Variants in ADAMTS16 observed in about 807,000 individuals in gnomAD.
ADAMTS16 encodes the protein A disintegrin and metalloproteinase with thrombospondin motifs 16.
In ADAMTS16, 94 loss-of-function variants were observed where a neutral mutation model predicts 145.8. That is an observed-to-expected ratio of 0.64 (90% confidence interval 0.55 to 0.77). ADAMTS16 has a LOEUF of 0.77. Among genes scored for constraint, ADAMTS16 ranks in the 30% least tolerant of loss-of-function variants. The pLI, the probability that ADAMTS16 is intolerant of heterozygous loss-of-function variation, is 0.00. For synonymous variants in ADAMTS16, 659 were observed against 604.3 expected, an observed-to-expected ratio of 1.09 and a Z score of -1.33; for missense variants, 1,585 against 1,591.5, an observed-to-expected ratio of 1.00 and a Z score of 0.07.
chr5:5,140,582 G>T, intron 1 of ADAMTS16, 43 bp downstream of exon 1: 1 of 1,509,332 alleles, frequency 6.6e-7, no homozygotes, highest in Non-Finnish European at 8.8e-7. Flanking sequence ...CCGCGGGTCC[G>T]GACAGCTGGA....
intron 2 of ADAMTS16, 72 bp from the exon 3 acceptor site, chr5:5,146,058 A>G (rs1734283107): frequency 1.5e-6 from 2 of 1,324,226 alleles, no homozygotes; most frequent in African/African-American, 1.5e-5. Context: ...AAATAATATT[A>G]TATCTTAAGA....
intron 4 of ADAMTS16, among the ~76,000 whole-genome samples, chr5:5,184,752 G>A (rs1455500386): frequency 6.6e-6 from 1 of 151,978 alleles, no homozygotes; most frequent in Non-Finnish European, 1.5e-5. Context: ...GCAGTCATTT[G>A]CTGAGGGGTT....
chr5:5,272,824 T>G (rs116045281), intron 18 of ADAMTS16, among the ~76,000 whole-genome samples: 2,774 of 152,314 alleles, frequency 0.018, 88 homozygotes, highest in African/African-American at 0.064. Context: ...AAATCTACTA[T>G]GCATTCATTA....
intron 21 of ADAMTS16, among the ~76,000 whole-genome samples, chr5:5,309,867 G>A (rs1225158719): frequency 6.7e-6 from 1 of 148,334 alleles, no homozygotes; most frequent in Non-Finnish European, 1.5e-5. Flanking sequence ...CATGTGATCA[G>A]AAGAGGGAGA....
chr5:5,243,530 G>A (rs951746366), intron 17 of ADAMTS16, among the ~76,000 whole-genome samples: 2 of 152,122 alleles, frequency 1.3e-5, no homozygotes, highest in Admixed American at 1.3e-4. Flanking sequence ...CCATAACCAT[G>A]TTTTTATGGA....
At chr5:5,146,071 T>C (rs893779024) in intron 2 of ADAMTS16, 59 bp from the exon 3 acceptor site, 2 of 1,446,704 alleles carry the variant, frequency 1.4e-6, no homozygotes, top group Admixed American at 3.6e-5. Context: ...TCTTAAGACT[T>C]CCTGATTCTT....
chr5:5,292,695 G>A (rs1739381747), intron 18 of ADAMTS16, among the ~76,000 whole-genome samples: 1 of 151,848 alleles, frequency 6.6e-6, no homozygotes, highest in Admixed American at 6.6e-5. Flanking sequence ...GTGTCTTCAC[G>A]GGCCCTGTCC....
chr5:5,296,643 G>T (rs752950854), intron 18 of ADAMTS16, among the ~76,000 whole-genome samples: 2 of 152,130 alleles, frequency 1.3e-5, no homozygotes, highest in African/African-American at 4.8e-5. Context: ...CCCCTAGAGA[G>T]CCAAGGCCGT....
At position 5,186,143 on chromosome 5, in the gene ADAMTS16, T is replaced by C. The variant is rs1735490275; in HGVS notation, c.855T>C (p.His285=). Reference sequence around the variant, plus strand: ...ATAAGCGCTCTCTTCTGAGGTCCCATAGAAATGAAGAACTGAACGTGGAGA... The same window carrying C: ...ATAAGCGCTCTCTTCTGAGGTCCCACAGAAATGAAGAACTGAACGTGGAGA... ...LRHKRSLLRS[H]RNEELNVETL... Residue 285 remains histidine (H), a synonymous_variant, in exon 5 of 23, where the codon CAT becomes CAC. Transcript: ENST00000274181. The C allele has an allele frequency of 1.2e-6, 2 of 1,614,080 alleles. No individual in the cohort carries two copies. Among genetic ancestry groups the C allele is most frequent in the Non-Finnish European group, 1.7e-6 (2 of 1,180,016 alleles).
intron 17 of ADAMTS16, among the ~76,000 whole-genome samples, chr5:5,252,356 G>A (rs113388877): frequency 7.2e-6 from 1 of 138,174 alleles, no homozygotes; most frequent in Non-Finnish European, 1.6e-5. Flanking sequence ...GCCCTGGGGG[G>A]AAAACTGCAT....
At chr5:5,268,567 A>G (rs2126445960) in intron 18 of ADAMTS16, among the ~76,000 whole-genome samples, 1 of 152,272 alleles carries the variant, frequency 6.6e-6, no homozygotes, top group South Asian at 2.1e-4. Context: ...CACGCCTGCC[A>G]TCAACAATAA....
At chr5:5,294,063 G>A (rs1025566629) in intron 18 of ADAMTS16, among the ~76,000 whole-genome samples, 2 of 152,224 alleles carry the variant, frequency 1.3e-5, no homozygotes, top group African/African-American at 4.8e-5. Context: ...AATGTTGTGT[G>A]TTCATGTTCG....
chr5:5,225,116 G>T (rs918691805), intron 11 of ADAMTS16, among the ~76,000 whole-genome samples: 3 of 152,112 alleles, frequency 2.0e-5, no homozygotes, highest in Non-Finnish European at 4.4e-5. Flanking sequence ...TTCTGTCCAG[G>T]GTCACCTGGC....
At chr5:5,248,584 A>G (rs1413811446) in intron 17 of ADAMTS16, among the ~76,000 whole-genome samples, 3 of 152,216 alleles carry the variant, frequency 2.0e-5, no homozygotes, top group African/African-American at 7.2e-5. Context: ...AAGTTAAGTG[A>G]TTGTAAGTAC....
intron 10 of ADAMTS16, among the ~76,000 whole-genome samples, chr5:5,217,643 A>G (rs1180687229): frequency 7.2e-5 from 11 of 152,180 alleles, no homozygotes; most frequent in Non-Finnish European, 1.3e-4. Flanking sequence ...CTGGGGTGTT[A>G]TGTTGTGGTG....
intron 18 of ADAMTS16, among the ~76,000 whole-genome samples, chr5:5,298,299 G>A (rs1283372784): frequency 6.6e-6 from 1 of 152,232 alleles, no homozygotes; most frequent in Non-Finnish European, 1.5e-5. Context: ...TGGGCACAGT[G>A]CAATCTGTCT....
chr5:5,277,449 G>C (rs1173370805), intron 18 of ADAMTS16, among the ~76,000 whole-genome samples: 1 of 152,130 alleles, frequency 6.6e-6, no homozygotes, highest in Non-Finnish European at 1.5e-5. Context: ...TGAACGCACA[G>C]AATCATTTCA....
chr5:5,222,265 C>T (rs1736626675), intron 10 of ADAMTS16, among the ~76,000 whole-genome samples: 1 of 152,100 alleles, frequency 6.6e-6, no homozygotes, highest in African/African-American at 2.4e-5. Context: ...CAAGATGCCT[C>T]ACATATTTTA....
intron 10 of ADAMTS16, among the ~76,000 whole-genome samples, chr5:5,211,429 T>C (rs2126320223): frequency 6.6e-6 from 1 of 152,288 alleles, no homozygotes; most frequent in South Asian, 2.1e-4. Context: ...AATGATAATA[T>C]GTATTTTTAA....
Sources: allele counts gnomAD v4.1 joint callset (sites outside exome capture counted in the v4.1 genomes callset), GRCh38; gene constraint gnomAD v4.1.1; transcripts MANE v1.5; gene names NCBI Gene and HGNC (gene_info 2026-07-23, HGNC 2026-07-21).